CDIP1: variants seen among roughly 807,000 people sequenced by gnomAD.
The protein encoded by CDIP1 is cell death inducing p53 target 1, also known as cell death-inducing p53-target protein 1.
CDIP1 carries 9 observed loss-of-function variants against 17.7 expected under a neutral mutation model. The ratio of observed to expected loss-of-function variants is 0.51; its 90% CI spans 0.31 to 0.89. The LOEUF (loss-of-function observed/expected upper bound fraction) is 0.89, where lower values mean the gene tolerates loss of function less well. Among genes scored for constraint, CDIP1 ranks in the 40% least tolerant of loss-of-function variants. The pLI is 0.05. For missense variants in CDIP1, 263 were observed against 277.9 expected (o/e 0.95, Z 0.38); for synonymous variants, 117 against 109.5 (o/e 1.07, Z -0.43).
In CDIP1 at chr16:4,514,460, CA is replaced by C. The variant is rs2058868440; in HGVS notation, c.-15+114del. ...CTTGCCCCACACGAGAGCAGTTTGG[CA>C]CCGAGCTCTCCCCTCCCCAAACGTT... is the stretch of plus-strand genomic sequence containing the variant. On this transcript the variant is annotated intron_variant, in intron 2 of 5. Coordinates refer to ENST00000567695, the MANE Select transcript of CDIP1 (RefSeq NM_013399.3). The surrounding 1 kb of genome is among the most constrained non-coding windows in gnomAD (Gnocchi z 5.2). The C allele has an allele frequency of 3.1e-6, 1 of 322,284 alleles. No individual in the cohort carries two copies. The highest frequency in any genetic ancestry group is 5.1e-5 in the Admixed American group (1 of 19,440). 20.0% of individuals were successfully genotyped at this position (322,284 alleles called of 1,614,324 possible).
chr16:4,526,069 C>CCCTA (rs2058996458), intron 1 of CDIP1, among the ~76,000 whole-genome samples: 1 of 152,174 alleles, frequency 6.6e-6, no homozygotes, highest in South Asian at 2.1e-4. Flanking sequence ...TCCCACCCAA[C>CCCTA]CCTACATGCT....
chr16:4,525,549 T>TCCCCTCTCCACC (rs984118283), intron 1 of CDIP1, among the ~76,000 whole-genome samples: 3 of 152,014 alleles, frequency 2.0e-5, no homozygotes, highest in African/African-American at 7.2e-5. Context: ...CCCTCTCCAC[T>TCCCCTCTCCACC]CCCCTCTCCA....
At chr16:4,537,896 A>G (rs1254994610) in intron 1 of CDIP1, among the ~76,000 whole-genome samples, 8 of 152,154 alleles carry the variant, frequency 5.3e-5, no homozygotes, top group Non-Finnish European at 1.5e-5. Flanking sequence ...GGCCGTCGCC[A>G]TCTCCGCCGG....
intron 1 of CDIP1, chr16:4,523,988 C>A (rs142722563): frequency 6.6e-6 from 1 of 152,228 alleles, no homozygotes; most frequent in African/African-American, 2.4e-5. Flanking sequence ...AGGAGACCTC[C>A]GGCACCATTC....
intron 1 of CDIP1, among the ~76,000 whole-genome samples, chr16:4,521,752 A>C (rs914423910): frequency 6.6e-6 from 1 of 151,232 alleles, no homozygotes; most frequent in Admixed American, 6.6e-5. Flanking sequence ...CATCAGCTTA[A>C]TTCAAACCCA....
At chr16:4,523,135 G>C (rs1425904944) in intron 1 of CDIP1, among the ~76,000 whole-genome samples, 1 of 152,188 alleles carries the variant, frequency 6.6e-6, no homozygotes, top group Non-Finnish European at 1.5e-5. Flanking sequence ...ACGTAACAGA[G>C]GCCCTCTAAG....
intron 1 of CDIP1, among the ~76,000 whole-genome samples, chr16:4,518,805 A>G (rs980975279): frequency 8.5e-5 from 13 of 152,266 alleles, no homozygotes; most frequent in Non-Finnish European, 1.9e-4. Flanking sequence ...TAGTTTTCCA[A>G]TAAAACGAGT....
At chr16:4,532,156 G>A (rs979448660) in intron 1 of CDIP1, 1 of 152,222 alleles carries the variant, frequency 6.6e-6, no homozygotes, top group Admixed American at 6.5e-5. Context: ...AGGCAATGAC[G>A]GAGCACATGA....
intron 1 of CDIP1, among the ~76,000 whole-genome samples, chr16:4,518,554 C>T (rs1455622558): frequency 6.6e-6 from 1 of 152,214 alleles, no homozygotes; most frequent in Non-Finnish European, 1.5e-5. Flanking sequence ...CCCCTCACCC[C>T]TCCATATCCA....
At position 4,511,954 on chromosome 16, in the gene CDIP1, G is replaced by A. The variant is rs2058834606; in HGVS notation, c.*618C>T. On this transcript the variant is annotated 3_prime_UTR_variant, in exon 6 of 6. Transcript: ENST00000567695. ...ACACCAGGCAGCTCTCGGGCACTGG[G>A]ACAGGGTATTAGACATCCTGGGCTT... 1 of 154,846 alleles carries A rather than the reference G, an allele frequency of 6.5e-6. No homozygotes were observed. The highest frequency in any genetic ancestry group is 6.3e-5 in the Admixed American group (1 of 15,766). 9.6% of individuals were successfully genotyped at this position (154,846 alleles called of 1,614,324 possible). A position where few individuals can be genotyped will look rare whatever the true frequency, so the allele number is the denominator to read the frequency against.
chr16:4,518,256 T>C (rs973907170), intron 1 of CDIP1, among the ~76,000 whole-genome samples: 1 of 152,222 alleles, frequency 6.6e-6, no homozygotes, highest in Non-Finnish European at 1.5e-5. Context: ...TATAATCCTA[T>C]GATCTCCTAG....
intron 1 of CDIP1, among the ~76,000 whole-genome samples, chr16:4,530,651 A>G (rs1403869688): frequency 9.3e-4 from 140 of 151,198 alleles, no homozygotes; most frequent in African/African-American, 3.3e-3. Context: ...TCCATCTCAA[A>G]AAAAAAAAAC....
intron 1 of CDIP1, among the ~76,000 whole-genome samples, chr16:4,529,291 C>G (rs1172448607): frequency 6.6e-6 from 1 of 152,216 alleles, no homozygotes; most frequent in African/African-American, 2.4e-5. Flanking sequence ...CCAGGAGACC[C>G]AGCAGGAGGT....
chr16:4,519,260 G>A (rs1398429899), intron 1 of CDIP1, among the ~76,000 whole-genome samples: 1 of 152,122 alleles, frequency 6.6e-6, no homozygotes, highest in Non-Finnish European at 1.5e-5. Context: ...AGACTTCTGT[G>A]GCAAAACATG....
At chr16:4,517,808 C>T (rs921591488) in intron 1 of CDIP1, among the ~76,000 whole-genome samples, 1 of 151,844 alleles carries the variant, frequency 6.6e-6, no homozygotes, top group Admixed American at 6.6e-5. Context: ...GTCCTGGGGT[C>T]CCTTGCCCAG....
chr16:4,513,166 C>A lies in CDIP1; in HGVS notation c.242-102G>T. 8.1e-7 allele frequency: 1 copy of A among 1,233,556 alleles called. No individual in the cohort carries two copies. Among genetic ancestry groups the A allele is most frequent in the Non-Finnish European group, 1.1e-6 (1 of 911,538 alleles). 76.4% of individuals were successfully genotyped at this position (1,233,556 alleles called of 1,614,324 possible). Reference sequence around the variant, plus strand: ...CCCACGGTCCACAGCGCCCAGCGTGCAAGGCTACGCCTCAGACCTCCTACC... The same window carrying A: ...CCCACGGTCCACAGCGCCCAGCGTGAAAGGCTACGCCTCAGACCTCCTACC... On this transcript the variant is annotated intron_variant, in intron 4 of 5. Transcript: ENST00000567695. This position sits in a 1 kb window ranked among gnomAD's most constrained non-coding sequence, Gnocchi z 4.1.
intron 1 of CDIP1, among the ~76,000 whole-genome samples, chr16:4,520,328 C>G (rs959772752): frequency 2.6e-5 from 4 of 152,194 alleles, no homozygotes; most frequent in African/African-American, 4.8e-5. Flanking sequence ...TGGTCTCAAT[C>G]TCTTGACCTC....
chr16:4,523,678 T>A lies in CDIP1; in HGVS notation c.-104-9014A>T, dbSNP rs1232901346. 2.6e-5 allele frequency: 4 copies of A among 152,134 alleles called. No individual in the cohort carries two copies. The East Asian group carries it at 7.7e-4, about 29-fold the overall frequency. 9.4% of individuals were successfully genotyped at this position (152,134 alleles called of 1,614,324 possible). A position where few individuals can be genotyped will look rare whatever the true frequency, so the allele number is the denominator to read the frequency against. ...AGGGCACAGTAGAAGGACAGCAAGA[T>A]CGCCGTTCTGGAGCTCTAACACCAT... On this transcript the variant is annotated intron_variant, in intron 1 of 5. Coordinates refer to ENST00000567695, the MANE Select transcript of CDIP1 (RefSeq NM_013399.3).
intron 1 of CDIP1, among the ~76,000 whole-genome samples, chr16:4,535,574 AGAC>A (rs1380616606): frequency 6.6e-5 from 10 of 152,352 alleles, no homozygotes; most frequent in Admixed American, 3.3e-4. Flanking sequence ...CACCTATCAC[AGAC>A]GCGGCCAGCA....
Sources: gnomAD v4.1 joint callset for allele counts (sites outside exome capture counted in the v4.1 genomes callset) on GRCh38, gnomAD v4.1.1 for gene constraint, Gnocchi (gnomAD v3.1) non-coding constraint, MANE v1.5 for transcripts, NCBI Gene and HGNC (gene_info 2026-07-23, HGNC 2026-07-21) for gene names.